Variants in PLCE1 observed in about 807,000 individuals in gnomAD.
PLCE1 encodes the protein phospholipase C epsilon 1.
Under a neutral mutation model 242.8 loss-of-function variants are expected in PLCE1, and 119 were observed. The ratio of observed to expected loss-of-function variants is 0.49; its 90% CI spans 0.42 to 0.57. The LOEUF (loss-of-function observed/expected upper bound fraction) is 0.57, where lower values mean the gene tolerates loss of function less well. Among genes scored for constraint, PLCE1 ranks in the 20% least tolerant of loss-of-function variants. The probability of loss-of-function intolerance (pLI) is 0.00; values close to 1 mark genes in which losing one functional copy is unlikely to be tolerated. For missense variants in PLCE1, 2,441 were observed against 2,788.8 expected (o/e 0.88, Z 2.81); for synonymous variants, 945 against 1,017.4 (o/e 0.93, Z 1.35).
At chr10:94,198,844 G>C (rs2048906171) in intron 4 of PLCE1, among the ~76,000 whole-genome samples, 1 of 152,158 alleles carries the variant, frequency 6.6e-6, no homozygotes, top group Non-Finnish European at 1.5e-5. Context: ...GCTCAAGAGT[G>C]TGAGACCAAC....
At chr10:94,056,966 C>T (rs1382189919) in intron 2 of PLCE1, among the ~76,000 whole-genome samples, 1 of 152,138 alleles carries the variant, frequency 6.6e-6, no homozygotes, top group Non-Finnish European at 1.5e-5. Flanking sequence ...CATCATGTTA[C>T]AGCATATGTT....
chr10:94,070,598 T>A (rs2044322886), intron 2 of PLCE1, among the ~76,000 whole-genome samples: 1 of 152,224 alleles, frequency 6.6e-6, no homozygotes, highest in South Asian at 2.1e-4. Flanking sequence ...AGTTACTGGG[T>A]CAATTGCCTT....
chr10:93,995,301 C>T (rs11187761), intron 1 of PLCE1, among the ~76,000 whole-genome samples: 19,718 of 152,202 alleles, frequency 0.13, 1,645 homozygotes, highest in Non-Finnish European at 0.18. Context: ...TCATCTAGAC[C>T]ATCTGATGGC....
At chr10:94,091,155 C>A (rs1010885677) in intron 2 of PLCE1, among the ~76,000 whole-genome samples, 1 of 152,120 alleles carries the variant, frequency 6.6e-6, no homozygotes, top group African/African-American at 2.4e-5. Flanking sequence ...AATTGAGGAA[C>A]AATTGCCAGA....
chr10:94,270,446 C>G, intron 17 of PLCE1, 40 bp from the exon 18 acceptor site: 2 of 1,311,618 alleles, frequency 1.5e-6, no homozygotes, highest in Non-Finnish European at 2.2e-6. Flanking sequence ...ACCACCTTGA[C>G]AGATATCTGG....
At chr10:94,002,654 A>G (rs1368133692) in intron 1 of PLCE1, among the ~76,000 whole-genome samples, 1 of 152,168 alleles carries the variant, frequency 6.6e-6, no homozygotes, top group African/African-American at 2.4e-5. Context: ...CTGTTATCCA[A>G]TACTTACAAT....
At chr10:94,081,683 A>T (rs1410718465) in intron 2 of PLCE1, among the ~76,000 whole-genome samples, 1 of 152,218 alleles carries the variant, frequency 6.6e-6, no homozygotes, top group Non-Finnish European at 1.5e-5. Context: ...GATTACACTA[A>T]TAATCAATAA....
chr10:94,207,447 T>C (rs1251953991), intron 4 of PLCE1, among the ~76,000 whole-genome samples: 3 of 152,060 alleles, frequency 2.0e-5, no homozygotes, highest in Non-Finnish European at 4.4e-5. Flanking sequence ...AAATTTGAAA[T>C]GTAGGTTTCA....
At chr10:93,996,197 T>G (rs1334327604) in intron 1 of PLCE1, among the ~76,000 whole-genome samples, 4 of 152,218 alleles carry the variant, frequency 2.6e-5, no homozygotes, top group Non-Finnish European at 5.9e-5. Flanking sequence ...TGCTTTAGTC[T>G]TAATGCCTTC....
intron 9 of PLCE1, among the ~76,000 whole-genome samples, chr10:94,252,725 C>A (rs1223662): frequency 6.6e-6 from 1 of 152,000 alleles, no homozygotes; most frequent in African/African-American, 2.4e-5. Flanking sequence ...AAACACAGTG[C>A]GAGCTAAAAA....
chr10:94,254,548 G>A (rs923450891), intron 10 of PLCE1, among the ~76,000 whole-genome samples: 2 of 152,140 alleles, frequency 1.3e-5, no homozygotes, highest in Middle Eastern at 3.2e-3. Context: ...ATAATTTGAT[G>A]GATTAAACCA....
At chr10:94,030,211 T>A (rs528836034) in intron 1 of PLCE1, among the ~76,000 whole-genome samples, 2 of 152,284 alleles carry the variant, frequency 1.3e-5, no homozygotes, top group African/African-American at 4.8e-5. Flanking sequence ...TTGCTTAATG[T>A]GCCTTATTTC....
intron 3 of PLCE1, among the ~76,000 whole-genome samples, chr10:94,145,694 G>C (rs1436515418): frequency 6.6e-6 from 1 of 151,974 alleles, no homozygotes; most frequent in Admixed American, 6.6e-5. Flanking sequence ...GTGGTGTCCT[G>C]TTCAGCTCTA....
chr10:94,223,554 T>C (rs751761681), intron 4 of PLCE1, among the ~76,000 whole-genome samples: 1 of 152,140 alleles, frequency 6.6e-6, no homozygotes, highest in East Asian at 1.9e-4. Flanking sequence ...AACTGTTCTA[T>C]TTGGCTAAGC....
rs181794947 is a variant in PLCE1, at chr10:94,025,453, T to C, written c.-364-5230T>C. On this transcript the variant is annotated intron_variant, in intron 1 of 32. Transcript: ENST00000371380. Reference sequence around the variant, plus strand: ...TATTCTGTGCTTAGAACATGCCTGATAGATAATACATGCTCAGTATTAGGT... The same window carrying C: ...TATTCTGTGCTTAGAACATGCCTGACAGATAATACATGCTCAGTATTAGGT... Among the ~76,000 whole-genome samples the C allele has an allele frequency of 3.9e-5, 6 of 152,338 alleles. No homozygotes were observed. In the East Asian group the frequency reaches 1.2e-3, roughly 29 times the overall value.
intron 27 of PLCE1, 62 bp from the exon 28 acceptor site, chr10:94,313,192 C>G (rs974208971): frequency 3.8e-6 from 6 of 1,597,890 alleles, no homozygotes; most frequent in Non-Finnish European, 5.1e-6. Context: ...ACCTCTGTAT[C>G]AAATAGAGCT....
At chr10:94,325,877 A>T (rs1477141047) in intron 32 of PLCE1, among the ~76,000 whole-genome samples, 1 of 152,188 alleles carries the variant, frequency 6.6e-6, no homozygotes, top group Non-Finnish European at 1.5e-5. Flanking sequence ...CAACAACCTC[A>T]TCTCCTTCTG....
chr10:94,200,116 A>T (rs2797995), intron 4 of PLCE1, among the ~76,000 whole-genome samples: 1 of 151,964 alleles, frequency 6.6e-6, no homozygotes, highest in Non-Finnish European at 1.5e-5. Flanking sequence ...CACATATATA[A>T]ACAAGTTAGT....
At chr10:94,111,812 T>C (rs2045964367) in intron 2 of PLCE1, among the ~76,000 whole-genome samples, 1 of 152,236 alleles carries the variant, frequency 6.6e-6, no homozygotes, top group Non-Finnish European at 1.5e-5. Context: ...GGATATTATT[T>C]TGGCATTTTA....
Sources: allele counts gnomAD v4.1 joint callset (sites outside exome capture counted in the v4.1 genomes callset), GRCh38; gene constraint gnomAD v4.1.1; transcripts MANE v1.5; gene names NCBI Gene and HGNC (gene_info 2026-07-23, HGNC 2026-07-21).